Variants in SLC24A4 observed in about 807,000 individuals in gnomAD.
SLC24A4 encodes solute carrier family 24 member 4.
In SLC24A4, 53 loss-of-function variants were observed where a neutral mutation model predicts 79.0. The observed-to-expected ratio is 0.67, with a 90% confidence interval of 0.54 to 0.84. SLC24A4 has a LOEUF of 0.84. Ranked by LOEUF, SLC24A4 falls within the 40% of genes least tolerant of loss-of-function variation. The probability of loss-of-function intolerance (pLI) is 0.00; values close to 1 mark genes in which losing one functional copy is unlikely to be tolerated. For synonymous variants in SLC24A4, 323 were observed against 323.8 expected (o/e 1.00, Z 0.03); for missense variants, 731 against 822.0 (o/e 0.89, Z 1.35).
At chr14:92,380,989 AG>A (rs888792827) in intron 2 of SLC24A4, among the ~76,000 whole-genome samples, 1 of 152,132 alleles carries the variant, frequency 6.6e-6, no homozygotes, top group African/African-American at 2.4e-5. Context: ...GTGTGCACAT[AG>A]TGAGAGGTGG....
At chr14:92,452,134 A>T (rs897656110) in intron 10 of SLC24A4, 1 of 152,106 alleles carries the variant, frequency 6.6e-6, no homozygotes, top group African/African-American at 2.4e-5. Flanking sequence ...GAGAGTGTGG[A>T]AGGAAGTGGG....
intron 2 of SLC24A4, among the ~76,000 whole-genome samples, chr14:92,418,826 T>C (rs1311285511): frequency 6.6e-6 from 1 of 152,110 alleles, no homozygotes; most frequent in East Asian, 1.9e-4. Flanking sequence ...ATCAGCCTCC[T>C]GAGTAGCTGG....
At chr14:92,455,010 A>G (rs948744686) in intron 11 of SLC24A4, among the ~76,000 whole-genome samples, 6 of 152,000 alleles carry the variant, frequency 3.9e-5, no homozygotes, top group African/African-American at 1.2e-4. Context: ...TATCTTTTTC[A>G]TGGCATATAT....
chr14:92,379,739 G>A (rs1888723691), intron 2 of SLC24A4, among the ~76,000 whole-genome samples: 2 of 152,026 alleles, frequency 1.3e-5, no homozygotes, highest in South Asian at 2.1e-4. Context: ...TTGTTCCCAC[G>A]AGGGCCAACA....
intron 12 of SLC24A4, among the ~76,000 whole-genome samples, chr14:92,458,621 G>A (rs1280930951): frequency 6.6e-6 from 1 of 152,218 alleles, no homozygotes; most frequent in East Asian, 1.9e-4. Flanking sequence ...AGGGCGCTGG[G>A]AGGGCAGTGT....
rs533372128 is a variant in SLC24A4 at position 92,437,110 on chromosome 14, T to A, written c.319-2225T>A. 3.1e-3 allele frequency among the ~76,000 whole-genome samples: 472 copies of A among 152,296 alleles called. 2 individuals are homozygous for A. The highest frequency in any genetic ancestry group is 5.7e-3 in the Non-Finnish European group (387 of 68,016). The stretch of plus-strand genomic sequence containing the variant: ...CAAACAGGACATCCATAGCACTTTT[T>A]CTTTGAAGAAAGAAATGGCTTCCCC... On this transcript the variant is annotated intron_variant, in intron 3 of 16. Transcript: ENST00000532405.
At chr14:92,356,000 A>G (rs899082722) in intron 2 of SLC24A4, among the ~76,000 whole-genome samples, 1 of 152,230 alleles carries the variant, frequency 6.6e-6, no homozygotes, top group African/African-American at 2.4e-5. Flanking sequence ...ATGGCATGAA[A>G]GCAATTTGCA....
At chr14:92,414,271 G>A (rs897285711) in intron 2 of SLC24A4, among the ~76,000 whole-genome samples, 3 of 152,090 alleles carry the variant, frequency 2.0e-5, no homozygotes, top group Admixed American at 6.6e-5. Context: ...CCCCTCCCCC[G>A]GTTGTGACAA....
intron 2 of SLC24A4, among the ~76,000 whole-genome samples, chr14:92,407,848 A>C (rs1379250741): frequency 6.7e-6 from 1 of 148,864 alleles, no homozygotes; most frequent in East Asian, 2.0e-4. Context: ...CACTGCCTAC[A>C]GAGTGATATT....
At chr14:92,373,911 T>C (rs920028050) in intron 2 of SLC24A4, among the ~76,000 whole-genome samples, 40 of 152,232 alleles carry the variant, frequency 2.6e-4, no homozygotes, top group Non-Finnish European at 1.9e-4. Context: ...TCCTCTTTTA[T>C]CAATGCCCCA....
In SLC24A4 at chr14:92,496,778, T is replaced by G. The variant is rs1391317546; in HGVS notation, c.*3150T>G. On this transcript the variant is annotated 3_prime_UTR_variant, in exon 17 of 17. Coordinates refer to ENST00000532405, the MANE Select transcript of SLC24A4 (RefSeq NM_153646.4). Reference sequence around the variant, plus strand: ...CCCCTTGTCACTTGTGTCTCCTCCTTATGCACAGAGCTGCCTGCCTTTATG... The same window carrying G: ...CCCCTTGTCACTTGTGTCTCCTCCTGATGCACAGAGCTGCCTGCCTTTATG... 6.6e-6 allele frequency: 1 copy of G among 152,198 alleles called. No individual in the cohort carries two copies. Among genetic ancestry groups the G allele is most frequent in the Admixed American group, 6.6e-5 (1 of 15,258 alleles). 9.4% of individuals were successfully genotyped at this position (152,198 alleles called of 1,614,324 possible). A position where few individuals can be genotyped will look rare whatever the true frequency, so the allele number is the denominator to read the frequency against.
chr14:92,423,446 TA>T (rs1891398077), intron 2 of SLC24A4, among the ~76,000 whole-genome samples: 1 of 152,206 alleles, frequency 6.6e-6, no homozygotes, highest in Admixed American at 6.5e-5. Context: ...AGGTGTGAGC[TA>T]CCACGCCCAG....
chr14:92,338,451 A>G (rs1366042246), intron 2 of SLC24A4, among the ~76,000 whole-genome samples: 1 of 152,244 alleles, frequency 6.6e-6, no homozygotes, highest in Non-Finnish European at 1.5e-5. Flanking sequence ...GATCTATAAA[A>G]TCATGAACAG....
intron 2 of SLC24A4, among the ~76,000 whole-genome samples, chr14:92,389,590 T>A (rs574366731): frequency 6.6e-6 from 1 of 152,116 alleles, no homozygotes; most frequent in Non-Finnish European, 1.5e-5. Flanking sequence ...CTGTCCCCCA[T>A]GAAGTCCTGC....
At chr14:92,413,332 C>T (rs1449936280) in intron 2 of SLC24A4, among the ~76,000 whole-genome samples, 1 of 152,170 alleles carries the variant, frequency 6.6e-6, no homozygotes, top group African/African-American at 2.4e-5. Context: ...GGGCTCCCTC[C>T]CGCCCCCCTG....
intron 12 of SLC24A4, among the ~76,000 whole-genome samples, chr14:92,465,144 C>T (rs1429646370): frequency 6.6e-6 from 1 of 152,222 alleles, no homozygotes; most frequent in Admixed American, 6.5e-5. Flanking sequence ...CCAGGGCCTC[C>T]AAATTCAAGG....
At chr14:92,339,638 G>C (rs573307697) in intron 2 of SLC24A4, among the ~76,000 whole-genome samples, 2 of 152,076 alleles carry the variant, frequency 1.3e-5, no homozygotes, top group African/African-American at 4.8e-5. Context: ...CGGTGGGCGC[G>C]GGTGGGTATG....
intron 2 of SLC24A4, among the ~76,000 whole-genome samples, chr14:92,374,443 G>T (rs1414711449): frequency 1.3e-5 from 2 of 152,212 alleles, no homozygotes; most frequent in Non-Finnish European, 2.9e-5. Flanking sequence ...TTGGAAGGCG[G>T]AGTAAAGTCA....
intron 12 of SLC24A4, 136 bp from the exon 13 acceptor site, chr14:92,482,544 A>T (rs950495955): frequency 1.2e-5 from 9 of 726,476 alleles, no homozygotes; most frequent in Non-Finnish European, 2.0e-5. Flanking sequence ...TGATTCTGCA[A>T]GGTCAGTTGC....
Sources: allele counts gnomAD v4.1 joint callset (sites outside exome capture counted in the v4.1 genomes callset), GRCh38; gene constraint gnomAD v4.1.1; transcripts MANE v1.5; gene names NCBI Gene and HGNC (gene_info 2026-07-23, HGNC 2026-07-21).